SHISA9: variants seen among roughly 807,000 people sequenced by gnomAD.
SHISA9 encodes protein shisa-9.
A neutral mutation model predicts 38.0 loss-of-function variants in SHISA9; 13 were observed. The ratio of observed to expected loss-of-function variants is 0.34; its 90% CI spans 0.22 to 0.54. SHISA9 has a LOEUF of 0.54. Ranked by LOEUF, SHISA9 falls within the 20% of genes least tolerant of loss-of-function variation. The pLI is 0.91. For synonymous variants in SHISA9, 275 were observed against 242.0 expected (o/e 1.14, Z -1.27); for missense variants, 538 against 575.8 (o/e 0.93, Z 0.67).
At chr16:13,535,200 T>C in the SHISA9 span, among the ~76,000 whole-genome samples, 1 of 152,128 alleles carries the variant, frequency 6.6e-6, no homozygotes, top group Non-Finnish European at 1.5e-5. Flanking sequence ...GAGCTTAGAT[T>C]GTGCCACTGC....
chr16:13,100,879 G>C (rs1485170450), intron 2 of SHISA9, among the ~76,000 whole-genome samples: 3 of 152,110 alleles, frequency 2.0e-5, no homozygotes, highest in African/African-American at 7.2e-5. Flanking sequence ...GGCTAATTTT[G>C]TATTTTTAGT....
chr16:13,514,864 A>C, the SHISA9 span, among the ~76,000 whole-genome samples: 1 of 152,162 alleles, frequency 6.6e-6, no homozygotes, highest in African/African-American at 2.4e-5. Flanking sequence ...AGTGAAAAAG[A>C]GGAAATTATA....
At chr16:13,077,367 C>T (rs542001265) in intron 2 of SHISA9, among the ~76,000 whole-genome samples, 1 of 152,176 alleles carries the variant, frequency 6.6e-6, no homozygotes, top group East Asian at 1.9e-4. Flanking sequence ...GACTTGTCCT[C>T]ATATTGAAGC....
chr16:13,324,938 G>A, the SHISA9 span, among the ~76,000 whole-genome samples: 6 of 152,184 alleles, frequency 3.9e-5, no homozygotes, highest in Non-Finnish European at 5.9e-5. Flanking sequence ...TTTCCTGATT[G>A]GATATTGTTG....
Position 13,151,104 on chromosome 16 carries a change from CTTTTAT to C in SHISA9, c.692-52274_692-52269del, listed in dbSNP as rs140476343. Among the ~76,000 whole-genome samples the C allele has an allele frequency of 1.3e-3, 191 of 152,050 alleles. 1 individual carries two copies. The highest frequency in any genetic ancestry group is 8.9e-3 in the East Asian group (46 of 5,168). ...GATAACTAAGAGTGGCACCTGGTCA[CTTTTAT>C]TTTTATTTTTATTTTAGATGGAGTC... On this transcript the variant is annotated intron_variant, in intron 2 of 4. Coordinates refer to ENST00000558583, the MANE Select transcript of SHISA9 (RefSeq NM_001145204.3).
chr16:13,401,326 G>A, the SHISA9 span, among the ~76,000 whole-genome samples: 1 of 152,278 alleles, frequency 6.6e-6, no homozygotes, highest in Non-Finnish European at 1.5e-5. Flanking sequence ...CACACTGGAG[G>A]AGCCAGGATT....
intron 2 of SHISA9, among the ~76,000 whole-genome samples, chr16:13,151,695 C>G (rs1400910333): frequency 6.6e-6 from 1 of 152,184 alleles, no homozygotes; most frequent in Non-Finnish European, 1.5e-5. Flanking sequence ...TATAAATTAG[C>G]CAAATACACT....
At chr16:13,106,269 T>C (rs980284751) in intron 2 of SHISA9, among the ~76,000 whole-genome samples, 5 of 152,180 alleles carry the variant, frequency 3.3e-5, no homozygotes, top group Non-Finnish European at 5.9e-5. Context: ...TGTGCAAAGA[T>C]TGTATACTTT....
Position 12,971,219 on chromosome 16 carries a change from C to G in SHISA9, c.691+54404C>G, listed in dbSNP as rs531624396. Among the ~76,000 whole-genome samples the G allele has an allele frequency of 1.3e-4, 20 of 152,326 alleles. No homozygotes were observed. The South Asian group carries it at 4.1e-3, about 32-fold the overall frequency. ...GGTGACACCTGCTGCCCTTATCCCCCCTCCAAATCAGGACTCTGTGTAGCT... is the reference window on the plus strand; with the variant it reads ...GGTGACACCTGCTGCCCTTATCCCCGCTCCAAATCAGGACTCTGTGTAGCT... On this transcript the variant is annotated intron_variant, in intron 2 of 4. Coordinates refer to ENST00000558583, the MANE Select transcript of SHISA9 (RefSeq NM_001145204.3).
the SHISA9 span, among the ~76,000 whole-genome samples, chr16:13,502,230 G>C: frequency 0.29 from 43,300 of 151,828 alleles, 6,707 homozygotes; most frequent in East Asian, 0.37. Context: ...AGCATTTGGA[G>C]AAAAAGAAAG....
chr16:13,176,415 G>A (rs1436882520), intron 2 of SHISA9, among the ~76,000 whole-genome samples: 1 of 152,094 alleles, frequency 6.6e-6, no homozygotes, highest in Non-Finnish European at 1.5e-5. Flanking sequence ...CTACCTCCTC[G>A]TCCTGACCCC....
At chr16:13,092,202 G>A (rs1380136024) in intron 2 of SHISA9, among the ~76,000 whole-genome samples, 2 of 152,192 alleles carry the variant, frequency 1.3e-5, no homozygotes, top group Non-Finnish European at 2.9e-5. Context: ...AGCTTCGTCC[G>A]AGAGGGGCAG....
At position 13,092,622 on chromosome 16, in the gene SHISA9, C is replaced by T. The variant is rs527697105; in HGVS notation, c.692-110772C>T. On this transcript the variant is annotated intron_variant, in intron 2 of 4. Transcript: ENST00000558583. The stretch of plus-strand genomic sequence containing the variant: ...CAAGGCTCCATGGGCATGGGACCTG[C>T]CAAGCCAGGCACAGGAGAGAATCAC... 4.6e-5 allele frequency among the ~76,000 whole-genome samples: 7 copies of T among 152,360 alleles called. No individual in the cohort carries two copies. The South Asian group carries it at 1.5e-3, about 32-fold the overall frequency.
the SHISA9 span, among the ~76,000 whole-genome samples, chr16:13,251,366 T>C: frequency 4.6e-5 from 7 of 152,202 alleles, no homozygotes; most frequent in African/African-American, 1.7e-4. Flanking sequence ...CAACCAGCTA[T>C]GCAGGTGTAC....
chr16:13,369,854 G>C, the SHISA9 span, among the ~76,000 whole-genome samples: 1 of 152,056 alleles, frequency 6.6e-6, no homozygotes, highest in African/African-American at 2.4e-5. Flanking sequence ...CAACACCCAG[G>C]TTGCTTAAGT....
chr16:13,256,420 TACAG>T, the SHISA9 span, among the ~76,000 whole-genome samples: 1 of 152,198 alleles, frequency 6.6e-6, no homozygotes, highest in African/African-American at 2.4e-5. Context: ...TAGCTGGGAT[TACAG>T]GCACGGGCCA....
chr16:13,067,703 T>C lies in SHISA9; in HGVS notation c.692-135691T>C, dbSNP rs116641410. Among the ~76,000 whole-genome samples, 295 of 152,306 alleles carry C rather than the reference T, an allele frequency of 1.9e-3. 1 individual carries two copies. Among genetic ancestry groups the C allele is most frequent in the African/African-American group, 6.8e-3 (282 of 41,582 alleles). On this transcript the variant is annotated intron_variant, in intron 2 of 4. Transcript: ENST00000558583. ...CTTCAGGGGAGAGTGTAACTCAGTG[T>C]TCCAGCTCAGGCCCTGTCTTAGCTG...
At chr16:13,529,626 A>C in the SHISA9 span, among the ~76,000 whole-genome samples, 3 of 152,214 alleles carry the variant, frequency 2.0e-5, no homozygotes, top group African/African-American at 7.2e-5. Flanking sequence ...GGCTGCAGTC[A>C]CGCATATTGG....
intron 2 of SHISA9, among the ~76,000 whole-genome samples, chr16:13,060,577 G>T (rs1341672709): frequency 2.1e-5 from 3 of 140,470 alleles, no homozygotes; most frequent in Non-Finnish European, 4.5e-5. Context: ...GCTGAGGCAA[G>T]AGGATCACTT....
Sources: gnomAD v4.1 joint callset for allele counts (sites outside exome capture counted in the v4.1 genomes callset) on GRCh38, gnomAD v4.1.1 for gene constraint, MANE v1.5 for transcripts, NCBI Gene and HGNC (gene_info 2026-07-23, HGNC 2026-07-21) for gene names.